SATB1: variants seen among roughly 807,000 people sequenced by gnomAD.
SATB1 encodes the protein DNA-binding protein SATB1.
SATB1 carries 11 observed loss-of-function variants against 86.9 expected under a neutral mutation model. That is an observed-to-expected ratio of 0.13 (90% CI 0.08 to 0.21). The LOEUF is 0.21. Ranked by LOEUF, SATB1 falls within the 10% of genes least tolerant of loss-of-function variation. The pLI is 1.00. For synonymous variants in SATB1, 357 were observed against 357.2 expected (o/e 1.00, Z 0.01); for missense variants, 551 against 937.6 (o/e 0.59, Z 5.39).
In SATB1 at chr3:18,397,164, GT is replaced by G; in HGVS notation, c.751+14del. The stretch of plus-strand genomic sequence containing the variant: ...AATGGTATGTAGCCACTGCTGCAAT[GT>G]TTTTTTTGCTTACCCATCATATCTT... On this transcript the variant is annotated intron_variant, in intron 6 of 10. Transcript: ENST00000338745. The G allele has an allele frequency of 3.7e-5, 52 of 1,409,280 alleles. No individual in the cohort carries two copies. The highest frequency in any genetic ancestry group is 4.7e-5 in the Non-Finnish European group (47 of 993,990). 87.3% of individuals were successfully genotyped at this position (1,409,280 alleles called of 1,614,324 possible).
intron 9 of SATB1, 96 bp downstream of exon 9, chr3:18,378,074 G>A (rs189767690): frequency 1.0e-5 from 11 of 1,056,404 alleles, no homozygotes; most frequent in Admixed American, 8.8e-5. Flanking sequence ...AGGCCTCTCC[G>A]TGATGCAAGT....
Position 18,346,354 on chromosome 3 carries a change from A to G in SATB1, c.*2816T>C, listed in dbSNP as rs1323698009. The G allele has an allele frequency of 6.6e-6, 1 of 152,158 alleles. No homozygotes were observed. Among genetic ancestry groups the G allele is most frequent in the Non-Finnish European group, 1.5e-5 (1 of 68,012 alleles). The allele number at this position is 152,158 out of a possible 1,614,324, so 9.4% of individuals were successfully genotyped here. On this transcript the variant is annotated 3_prime_UTR_variant, in exon 11 of 11. Coordinates refer to ENST00000338745, the MANE Select transcript of SATB1 (RefSeq NM_002971.6). The stretch of plus-strand genomic sequence containing the variant: ...TAAGGTCTTAACAGCACAAAACGCT[A>G]TGTCATGCCCAGCTTTTAAAAGTCT...
At chr3:18,350,283 C>T (rs1458027392) in intron 10 of SATB1, 2 of 152,512 alleles carry the variant, frequency 1.3e-5, no homozygotes, top group East Asian at 1.9e-4. Context: ...AATTTCTTAC[C>T]GAATTGCACT....
chr3:18,399,583 T>C (rs1236157516), intron 5 of SATB1, among the ~76,000 whole-genome samples: 1 of 152,208 alleles, frequency 6.6e-6, no homozygotes, highest in East Asian at 1.9e-4. Flanking sequence ...ATAATATCCA[T>C]ATGTGCATCA....
At chr3:18,434,170 T>C (rs1255259120) in intron 2 of SATB1, among the ~76,000 whole-genome samples, 1 of 152,078 alleles carries the variant, frequency 6.6e-6, no homozygotes, top group Non-Finnish European at 1.5e-5. Context: ...ACCTCTCATC[T>C]CTTCTTTGAG....
rs1048087741 is a variant in SATB1 at position 18,348,899 on chromosome 3, G to A, written c.*271C>T. 8.5e-6 allele frequency: 4 copies of A among 472,324 alleles called. No individual in the cohort carries two copies. Among genetic ancestry groups the A allele is most frequent in the African/African-American group, 5.9e-5 (3 of 50,978 alleles). 29.3% of individuals were successfully genotyped at this position (472,324 alleles called of 1,614,324 possible). ...AAAAACACTGGTTTCATGCTTACGG[G>A]GTACACACTTTGGTGCATCCCGTGA... On this transcript the variant is annotated 3_prime_UTR_variant, in exon 11 of 11. Transcript: ENST00000338745.
intron 5 of SATB1, 106 bp downstream of exon 5, chr3:18,415,005 G>T: frequency 7.5e-7 from 1 of 1,336,170 alleles, no homozygotes; most frequent in Non-Finnish European, 1.0e-6. Flanking sequence ...ATTTTTGGCA[G>T]ATTCTTGCTT....
At chr3:18,433,069 C>T (rs950696199) in intron 2 of SATB1, among the ~76,000 whole-genome samples, 6 of 152,186 alleles carry the variant, frequency 3.9e-5, no homozygotes, top group African/African-American at 1.4e-4. Flanking sequence ...ATCCCACTCA[C>T]TTTGAGGTTC....
At chr3:18,360,274 C>G (rs955578759) in intron 9 of SATB1, among the ~76,000 whole-genome samples, 1 of 152,086 alleles carries the variant, frequency 6.6e-6, no homozygotes, top group Non-Finnish European at 1.5e-5. Context: ...AATCAGATCC[C>G]AGAGTGAGAA....
intron 2 of SATB1, among the ~76,000 whole-genome samples, chr3:18,436,468 G>A (rs1443340807): frequency 6.8e-6 from 1 of 147,264 alleles, no homozygotes; most frequent in Admixed American, 6.8e-5. Context: ...AATACTGAAG[G>A]TCAGACAATG....
intron 7 of SATB1, among the ~76,000 whole-genome samples, chr3:18,390,711 T>A (rs1339265335): frequency 6.6e-6 from 1 of 152,140 alleles, no homozygotes; most frequent in African/African-American, 2.4e-5. Context: ...ATAATCCATC[T>A]TCATTCTTTA....
At chr3:18,351,740 C>G in intron 10 of SATB1, 1 of 536,516 alleles carries the variant, frequency 1.9e-6, no homozygotes, top group Non-Finnish European at 3.3e-6. Context: ...GACACATTTG[C>G]CAAACGAGTG....
intron 5 of SATB1, among the ~76,000 whole-genome samples, chr3:18,412,913 C>T (rs908893899): frequency 6.6e-6 from 1 of 151,924 alleles, no homozygotes; most frequent in African/African-American, 2.4e-5. Flanking sequence ...AAATAAGTAC[C>T]TCATTTAGAG....
In SATB1 at chr3:18,423,754, AAT is replaced by A. The variant is rs1342061069; in HGVS notation, c.-154_-153del. ...TTTTTTTTTTAATTAAAAAAAAAAAAATAAAAAAGCAGCAGACCTGAAGGCGA... is the reference window on the plus strand; with the variant it reads ...TTTTTTTTTTAATTAAAAAAAAAAAAAAAAAAGCAGCAGACCTGAAGGCGA... On this transcript the variant is annotated 5_prime_UTR_variant, in exon 1 of 11. Transcript: ENST00000338745. 12 of 151,308 alleles carry A rather than the reference AAT, an allele frequency of 7.9e-5. No individual in the cohort carries two copies. Among genetic ancestry groups the A allele is most frequent in the Non-Finnish European group, 1.5e-4 (10 of 67,760 alleles). 9.4% of individuals were successfully genotyped at this position (151,308 alleles called of 1,614,324 possible).
intron 9 of SATB1, among the ~76,000 whole-genome samples, chr3:18,360,761 T>C (rs1559397318): frequency 6.6e-6 from 1 of 152,150 alleles, no homozygotes; most frequent in Non-Finnish European, 1.5e-5. Context: ...GCCTGCTCCA[T>C]GGTAACTACC....
chr3:18,379,826 C>G (rs1695954791), intron 8 of SATB1, among the ~76,000 whole-genome samples: 1 of 152,184 alleles, frequency 6.6e-6, no homozygotes, highest in Non-Finnish European at 1.5e-5. Context: ...GAAGGGGACA[C>G]AGCAGGTAAG....
intron 9 of SATB1, among the ~76,000 whole-genome samples, chr3:18,358,532 G>A (rs1271389531): frequency 6.6e-6 from 1 of 151,898 alleles, no homozygotes; most frequent in Non-Finnish European, 1.5e-5. Context: ...GTTAACATTG[G>A]TCTTATTAAA....
chr3:18,394,332 G>C lies in SATB1; in HGVS notation c.1206+130C>G. The C allele has an allele frequency of 1.3e-6, 1 of 767,664 alleles. No individual in the cohort carries two copies. Among genetic ancestry groups the C allele is most frequent in the Non-Finnish European group, 2.1e-6 (1 of 470,434 alleles). 47.6% of individuals were successfully genotyped at this position (767,664 alleles called of 1,614,324 possible). ...AAAATTGAGGCTCCACCAGGAATAG[G>C]TAATATGATCACATGAAGAGAGAGA... On this transcript the variant is annotated intron_variant, in intron 7 of 10. Transcript: ENST00000338745. This position sits in a 1 kb window ranked among gnomAD's most constrained non-coding sequence, Gnocchi z 5.9.
At chr3:18,406,645 T>C (rs752636859) in intron 5 of SATB1, among the ~76,000 whole-genome samples, 7 of 152,068 alleles carry the variant, frequency 4.6e-5, no homozygotes, top group Non-Finnish European at 5.9e-5. Context: ...ACTCCAAGGC[T>C]ATTGTTGTGC....
Sources: gnomAD v4.1 joint callset for allele counts (sites outside exome capture counted in the v4.1 genomes callset) on GRCh38, gnomAD v4.1.1 for gene constraint, Gnocchi (gnomAD v3.1) non-coding constraint, MANE v1.5 for transcripts, NCBI Gene and HGNC (gene_info 2026-07-23, HGNC 2026-07-21) for gene names.